SLC12A3: variants seen among roughly 807,000 people sequenced by gnomAD.
SLC12A3 encodes Na-Cl cotransporter.
In SLC12A3, 104 loss-of-function variants were observed where a neutral mutation model predicts 121.0. The observed-to-expected ratio is 0.86, with a 90% CI of 0.73 to 1.01. The LOEUF (loss-of-function observed/expected upper bound fraction) is 1.01, where lower values mean the gene tolerates loss of function less well. Ranked by LOEUF, SLC12A3 falls within the 50% of genes least tolerant of loss-of-function variation. SLC12A3 has a pLI of 0.00. For synonymous variants in SLC12A3, 536 were observed against 533.4 expected, an observed-to-expected ratio of 1.00 and a Z score of -0.07; for missense variants, 1,328 against 1,356.3, an observed-to-expected ratio of 0.98 and a Z score of 0.33.
chr16:56,880,040 C>T, intron 11 of SLC12A3, 90 bp from the exon 12 acceptor site: 1 of 1,538,414 alleles, frequency 6.5e-7, no homozygotes, highest in Non-Finnish European at 8.8e-7. Flanking sequence ...TCACGGAGGG[C>T]ACCGAGCCGG....
chr16:56,889,609 G>C (rs1328268836), intron 18 of SLC12A3, among the ~76,000 whole-genome samples: 1 of 152,166 alleles, frequency 6.6e-6, no homozygotes, highest in Admixed American at 6.5e-5. Flanking sequence ...AAGTAGCTGT[G>C]ATTACAGGTG....
In SLC12A3 at chr16:56,872,642, CCTTGCTT is replaced by C; in HGVS notation, c.965-13_965-7del. ...CTCCAGGTGAGCCTTACTCATCAGG[CCTTGCTT>C]TTCCAGCGGACATTTTTGTCCAGAA... On this transcript the variant is annotated splice_polypyrimidine_tract_variant and splice_region_variant and intron_variant, in intron 7 of 25. Transcript: ENST00000563236. 1 of 1,614,234 alleles carries C rather than the reference CCTTGCTT, an allele frequency of 6.2e-7. No individual in the cohort carries two copies. The highest frequency in any genetic ancestry group is 8.5e-7 in the Non-Finnish European group (1 of 1,180,046).
At position 56,879,602 on chromosome 16, in the gene SLC12A3, C is replaced by T; in HGVS notation, c.1396C>T (p.Leu466Phe). 1 of 1,613,724 alleles carries T rather than the reference C, an allele frequency of 6.2e-7. No individual in the cohort carries two copies. Among genetic ancestry groups the T allele is most frequent in the South Asian group, 1.1e-5 (1 of 91,086 alleles). The change falls in exon 11 of 26, where the codon CTC (leucine) becomes TTC (phenylalanine). Residue 466 changes from leucine to phenylalanine, a missense_variant. Coordinates refer to ENST00000563236, the MANE Select transcript of SLC12A3 (RefSeq NM_001126108.2). ...LITAGIFGATLSSALACLVSA... is the reference protein window; with the variant it reads ...LITAGIFGATFSSALACLVSA... Reference sequence around the variant, plus strand: ...CACGGCTGGCATCTTCGGGGCCACCCTCTCCTCTGCCCTGGCCTGCCTTGT... The same window carrying T: ...CACGGCTGGCATCTTCGGGGCCACCTTCTCCTCTGCCCTGGCCTGCCTTGT...
chr16:56,868,590 C>T (rs1263571837), intron 3 of SLC12A3, among the ~76,000 whole-genome samples: 2 of 152,242 alleles, frequency 1.3e-5, no homozygotes, highest in Non-Finnish European at 2.9e-5. Flanking sequence ...ATGGGGTCAG[C>T]AGGCCTAAGG....
At chr16:56,879,343 G>C in intron 10 of SLC12A3, 116 bp downstream of exon 10, 7 of 1,391,828 alleles carry the variant, frequency 5.0e-6, no homozygotes, top group Non-Finnish European at 7.0e-6. Context: ...TGAGGCCTAG[G>C]CTTAGGAGAG....
chr16:56,891,697 G>T (rs1464870142), intron 19 of SLC12A3, among the ~76,000 whole-genome samples: 3 of 152,246 alleles, frequency 2.0e-5, no homozygotes, highest in Non-Finnish European at 4.4e-5. Context: ...GGACCCATAA[G>T]TTATTTCAGA....
At chr16:56,887,187 T>C in intron 17 of SLC12A3, 94 bp downstream of exon 17, 2 of 1,536,226 alleles carry the variant, frequency 1.3e-6, no homozygotes, top group South Asian at 1.2e-5. Context: ...CTTAAGCCCC[T>C]TTTGCTGCAG....
In SLC12A3 at chr16:56,884,128, C is replaced by T; in HGVS notation, c.1749C>T (p.Leu583=). The T allele has an allele frequency of 6.2e-7, 1 of 1,614,216 alleles. No individual in the cohort carries two copies. The highest frequency in any genetic ancestry group is 8.5e-7 in the Non-Finnish European group (1 of 1,180,018). ...GAIISVVIMF[L]LTWWAALIAI... ...TCATCTCCGTGGTCATCATGTTCCT[C>T]CTCACCTGGTGGGCGGCCCTCATCG... Residue 583 remains leucine, a synonymous_variant, in exon 14 of 26, where the codon CTC becomes CTT. Coordinates refer to ENST00000563236, the MANE Select transcript of SLC12A3 (RefSeq NM_001126108.2).
intron 23 of SLC12A3, among the ~76,000 whole-genome samples, chr16:56,901,882 C>T (rs114822858): frequency 0.031 from 4,701 of 152,288 alleles, 250 homozygotes; most frequent in African/African-American, 0.11. Flanking sequence ...CAGTTCTGTT[C>T]GCTTCTGCAC....
chr16:56,899,753 G>A (rs1437948692), intron 23 of SLC12A3, 137 bp downstream of exon 23: 22 of 724,284 alleles, frequency 3.0e-5, no homozygotes, highest in Non-Finnish European at 5.2e-5. Flanking sequence ...GTGTCAGAGG[G>A]CACAACTTCT....
chr16:56,866,895 A>G lies in SLC12A3; in HGVS notation c.283-175A>G, dbSNP rs991087850. Among the ~76,000 whole-genome samples, 3 of 152,254 alleles carry G rather than the reference A, an allele frequency of 2.0e-5. No homozygotes were observed. The East Asian group carries it at 5.8e-4, about 29-fold the overall frequency. On this transcript the variant is annotated intron_variant, in intron 1 of 25. Transcript: ENST00000563236. ...AGTGCTTTTACTACAGGCGTGAGCC[A>G]CTGCTCCTGGCCTAGGGAGCATTTT...
In SLC12A3 at chr16:56,869,798, T is replaced by C. The variant is rs1231715433; in HGVS notation, c.575T>C (p.Ile192Thr). The stretch of plus-strand genomic sequence containing the variant: ...ATCACAGGCCTCTCCATCTCAGCCA[T>C]CTCCACCAATGGCAAGGTCAAGTCA... ...TSITGLSISAISTNGKVKSGG... is the reference protein window; with the variant it reads ...TSITGLSISATSTNGKVKSGG... Residue 192 changes from isoleucine to threonine, a missense_variant, in exon 4 of 26, where the codon ATC (isoleucine) becomes ACC (threonine). By Grantham distance (89) the Ile-to-Thr change is moderately conservative. Coordinates refer to ENST00000563236, the MANE Select transcript of SLC12A3 (RefSeq NM_001126108.2). 3.1e-6 allele frequency: 5 copies of C among 1,613,930 alleles called. No individual in the cohort carries two copies. Among genetic ancestry groups the C allele is most frequent in the East Asian group, 2.2e-5 (1 of 44,888 alleles).
Position 56,886,801 on chromosome 16 carries a change from C to G in SLC12A3, c.2038-152C>G, listed in dbSNP as rs13306672. ...CTCCCTTCCTCCCCACTTTCTCCCC[C>G]ACTCCTTGTGTTTTCCCTTATCTGG... On this transcript the variant is annotated intron_variant, in intron 16 of 25. Coordinates refer to ENST00000563236, the MANE Select transcript of SLC12A3 (RefSeq NM_001126108.2). 630 of 1,007,220 alleles carry G rather than the reference C, an allele frequency of 6.3e-4. 12 individuals are homozygous for G. The East Asian group carries it at 0.016, about 25-fold the overall frequency. The allele number at this position is 1,007,220 out of a possible 1,614,324, so 62.4% of individuals were successfully genotyped here.
intron 16 of SLC12A3, among the ~76,000 whole-genome samples, 154 bp from the exon 17 acceptor site, chr16:56,886,799 C>G (rs886970623): frequency 6.6e-6 from 1 of 152,292 alleles, no homozygotes; most frequent in African/African-American, 2.4e-5. Context: ...CACTTTCTCC[C>G]CCACTCCTTG....
chr16:56,872,185 T>C lies in SLC12A3; in HGVS notation c.853-166T>C, dbSNP rs541001212. On this transcript the variant is annotated intron_variant, in intron 6 of 25. Coordinates refer to ENST00000563236, the MANE Select transcript of SLC12A3 (RefSeq NM_001126108.2). Reference sequence around the variant, plus strand: ...AAGAGGCTTTGGCGGTCTTGTTCACTGCTATATTCCCAACTCCTTGAACAG... The same window carrying C: ...AAGAGGCTTTGGCGGTCTTGTTCACCGCTATATTCCCAACTCCTTGAACAG... 4.6e-5 allele frequency among the ~76,000 whole-genome samples: 7 copies of C among 152,378 alleles called. No individual in the cohort carries two copies. In the East Asian group the frequency reaches 9.6e-4, roughly 21 times the overall value.
intron 21 of SLC12A3, among the ~76,000 whole-genome samples, chr16:56,893,574 G>T (rs2055419361): frequency 6.6e-6 from 1 of 152,174 alleles, no homozygotes; most frequent in Admixed American, 6.5e-5. Context: ...GGTAGGAGCT[G>T]TCATGATTAA....
Position 56,870,635 on chromosome 16 carries a change from G to A in SLC12A3, c.751G>A (p.Ala251Thr). 6.2e-7 allele frequency: 1 copy of A among 1,607,884 alleles called. No individual in the cohort carries two copies. Among genetic ancestry groups the A allele is most frequent in the South Asian group, 1.1e-5 (1 of 90,946 alleles). The change falls in exon 6 of 26, where the codon GCA becomes ACA. Residue 251 changes from alanine to threonine, a missense_variant. Coordinates refer to ENST00000563236, the MANE Select transcript of SLC12A3 (RefSeq NM_001126108.2). ...CATTTTCCCTCCCCAGGAGTATGGG[G>A]CACCCATCGTGGACCCCATTAACGA... ...TVRDLLQEYG[A>T]PIVDPINDIR...
Position 56,879,192 on chromosome 16 carries a change from C to T in SLC12A3, c.1300C>T (p.His434Tyr). 1.2e-6 allele frequency: 2 copies of T among 1,613,094 alleles called. No homozygotes were observed. The highest frequency in any genetic ancestry group is 1.7e-6 in the Non-Finnish European group (2 of 1,180,022). ...GWNFTECTQQ[H>Y]SCHYGLINYY... ...GAACTTCACCGAGTGCACCCAGCAG[C>T]ACAGCTGCCACTACGGCCTCATCAA... Residue 434 changes from histidine to tyrosine, a missense_variant, in exon 10 of 26, where the codon CAC (histidine) becomes TAC (tyrosine). By Grantham distance (83) the His-to-Tyr change is moderately conservative (BLOSUM62 2). Transcript: ENST00000563236.
intron 13 of SLC12A3, 59 bp downstream of exon 13, chr16:56,882,556 G>T (rs1339030735): frequency 3.7e-6 from 5 of 1,342,082 alleles, no homozygotes; most frequent in Non-Finnish European, 5.4e-6. Context: ...AGGAACTGGG[G>T]CATGGGGTGG....
Sources: allele counts gnomAD v4.1 joint callset (sites outside exome capture counted in the v4.1 genomes callset), GRCh38; gene constraint gnomAD v4.1.1; transcripts MANE v1.5; gene names NCBI Gene and HGNC (gene_info 2026-07-23, HGNC 2026-07-21).